B3GLCT: variants seen among roughly 807,000 people sequenced by gnomAD.
The protein encoded by B3GLCT is beta-1,3-glucosyltransferase.
A neutral mutation model predicts 63.4 loss-of-function variants in B3GLCT; 65 were observed. That is an observed-to-expected ratio of 1.03 (90% confidence interval 0.84 to 1.26). B3GLCT has a LOEUF of 1.26. Ranked by LOEUF, B3GLCT falls within the 50% of genes most tolerant of loss-of-function variation. The pLI, the probability that B3GLCT is intolerant of heterozygous loss-of-function variation, is 0.00. For synonymous variants in B3GLCT, 233 were observed against 219.2 expected (o/e 1.06, Z -0.55); for missense variants, 577 against 604.8 (o/e 0.95, Z 0.48).
intron 9 of B3GLCT, 71 bp from the exon 10 acceptor site, chr13:31,276,631 T>G (rs1872799633): frequency 1.6e-4 from 151 of 916,944 alleles, no homozygotes; most frequent in Non-Finnish European, 2.4e-4. Context: ...CTAGAGCGTG[T>G]GAGATCTAGT....
intron 10 of B3GLCT, among the ~76,000 whole-genome samples, chr13:31,280,935 A>G (rs886461769): frequency 6.6e-6 from 1 of 152,226 alleles, no homozygotes; most frequent in Non-Finnish European, 1.5e-5. Context: ...AAGGTGATGA[A>G]TTGGGCATAG....
chr13:31,317,770 T>C, intron 13 of B3GLCT, 85 bp downstream of exon 13: 2 of 1,545,100 alleles, frequency 1.3e-6, no homozygotes, highest in Middle Eastern at 1.8e-4. Context: ...CACTGGGATC[T>C]ATACTGTACG....
intron 12 of B3GLCT, among the ~76,000 whole-genome samples, chr13:31,296,404 T>G (rs896793860): frequency 6.6e-6 from 1 of 152,194 alleles, no homozygotes; most frequent in African/African-American, 2.4e-5. Flanking sequence ...GCTGACTTCT[T>G]GTATCTTCAA....
intron 7 of B3GLCT, among the ~76,000 whole-genome samples, chr13:31,267,859 T>G (rs1872404121): frequency 6.6e-6 from 1 of 151,736 alleles, no homozygotes; most frequent in South Asian, 2.1e-4. Flanking sequence ...TTCTTTTTTT[T>G]TTTTTCTTTT....
At chr13:31,289,902 A>C (rs899547127) in intron 12 of B3GLCT, among the ~76,000 whole-genome samples, 5 of 151,844 alleles carry the variant, frequency 3.3e-5, no homozygotes, top group Non-Finnish European at 7.4e-5. Flanking sequence ...GTTCTGGGGT[A>C]CATATGCAAA....
At chr13:31,273,544 TGA>T (rs1347741495) in intron 8 of B3GLCT, among the ~76,000 whole-genome samples, 1 of 152,240 alleles carries the variant, frequency 6.6e-6, no homozygotes, top group East Asian at 1.9e-4. Context: ...TGAAGTTTTT[TGA>T]GTCTGATTAA....
At chr13:31,261,290 A>G (rs34335590) in intron 7 of B3GLCT, among the ~76,000 whole-genome samples, 30 of 152,218 alleles carry the variant, frequency 2.0e-4, no homozygotes, top group Non-Finnish European at 3.8e-4. Context: ...AAATCATTCA[A>G]CCTCTCTGTA....
At chr13:31,229,334 TC>T in intron 4 of B3GLCT, 40 bp downstream of exon 4, 1 of 1,197,034 alleles carries the variant, frequency 8.4e-7, no homozygotes, top group Non-Finnish European at 1.3e-6. Flanking sequence ...GTTATGTATT[TC>T]TTGATTACCT....
chr13:31,278,875 A>G (rs958822278), intron 10 of B3GLCT, among the ~76,000 whole-genome samples: 4 of 152,168 alleles, frequency 2.6e-5, no homozygotes, highest in Non-Finnish European at 5.9e-5. Context: ...TATGATAATT[A>G]TTGTTATTCA....
chr13:31,214,172 C>A (rs1288125712), intron 1 of B3GLCT, among the ~76,000 whole-genome samples: 1 of 152,208 alleles, frequency 6.6e-6, no homozygotes, highest in Non-Finnish European at 1.5e-5. Context: ...ACTTCTCCCA[C>A]CCTTTTAGTA....
At chr13:31,200,353 C>T (rs1205027123) in intron 1 of B3GLCT, among the ~76,000 whole-genome samples, 199 bp downstream of exon 1, 1 of 148,960 alleles carries the variant, frequency 6.7e-6, no homozygotes, top group Non-Finnish European at 1.5e-5. Flanking sequence ...GACCCGGGCC[C>T]GGGACCCGAG....
At chr13:31,253,005 A>T (rs1439254529) in intron 6 of B3GLCT, among the ~76,000 whole-genome samples, 1 of 152,190 alleles carries the variant, frequency 6.6e-6, no homozygotes, top group Non-Finnish European at 1.5e-5. Flanking sequence ...AAATCATAAC[A>T]AACAGTCTCT....
intron 14 of B3GLCT, among the ~76,000 whole-genome samples, chr13:31,324,785 G>A (rs573648072): frequency 1.3e-5 from 2 of 152,176 alleles, no homozygotes; most frequent in African/African-American, 4.8e-5. Context: ...GCTCACTGCA[G>A]ACTTGATCTC....
At position 31,229,223 on chromosome 13, in the gene B3GLCT, A is replaced by C; in HGVS notation, c.199A>C (p.Asn67His). 1.2e-6 allele frequency: 2 copies of C among 1,613,012 alleles called. No homozygotes were observed. The highest frequency in any genetic ancestry group is 1.7e-6 in the Non-Finnish European group (2 of 1,178,964). ...TGTATTCGTCATCCAGAGTCAAAGT[A>C]ATTCTTTTCATGCAAAGAGAGCAGA... ...GIVFVIQSQS[N>H]SFHAKRAEQL... The change falls in exon 4 of 15, where the codon AAT becomes CAT. Residue 67 changes from asparagine to histidine, a missense_variant. Physicochemically the swap from Asn to His is moderately conservative, Grantham distance 68 (BLOSUM62 1). Coordinates refer to ENST00000343307, the MANE Select transcript of B3GLCT (RefSeq NM_194318.4).
chr13:31,314,025 G>A (rs753802338), intron 12 of B3GLCT, among the ~76,000 whole-genome samples: 2 of 152,198 alleles, frequency 1.3e-5, no homozygotes, highest in Non-Finnish European at 2.9e-5. Context: ...CAGCTTCCAT[G>A]TGGTGTTGAG....
intron 8 of B3GLCT, among the ~76,000 whole-genome samples, chr13:31,270,817 G>A (rs1448438142): frequency 1.3e-5 from 2 of 151,798 alleles, no homozygotes; most frequent in African/African-American, 4.8e-5. Context: ...AGGATTTTTT[G>A]CTCCTTAGTT....
chr13:31,214,195 A>G (rs936578643), intron 1 of B3GLCT, among the ~76,000 whole-genome samples: 9 of 152,218 alleles, frequency 5.9e-5, no homozygotes, highest in African/African-American at 1.9e-4. Flanking sequence ...TCACTGCCCT[A>G]TGTCATTGCC....
chr13:31,207,706 A>G (rs1339452933), intron 1 of B3GLCT, among the ~76,000 whole-genome samples: 1 of 152,166 alleles, frequency 6.6e-6, no homozygotes, highest in East Asian at 1.9e-4. Flanking sequence ...ACAGGAGAGG[A>G]GTTTCAGATG....
At chr13:31,298,817 A>G (rs530365645) in intron 12 of B3GLCT, among the ~76,000 whole-genome samples, 1 of 152,244 alleles carries the variant, frequency 6.6e-6, no homozygotes, top group Non-Finnish European at 1.5e-5. Flanking sequence ...ATATAGCTGC[A>G]TTCACTCTTA....
Sources: allele counts gnomAD v4.1 joint callset (sites outside exome capture counted in the v4.1 genomes callset), GRCh38; gene constraint gnomAD v4.1.1; transcripts MANE v1.5; gene names NCBI Gene and HGNC (gene_info 2026-07-23, HGNC 2026-07-21).